The following MLLT3 variants were observed in gnomAD, a reference collection of about 807,000 sequenced individuals.
The protein encoded by MLLT3 is MLLT3 super elongation complex subunit.
MLLT3 carries 4 observed loss-of-function variants against 53.2 expected under a neutral mutation model. That is an observed-to-expected ratio of 0.08 (90% CI 0.04 to 0.17). The LOEUF (loss-of-function observed/expected upper bound fraction) is 0.17, where lower values mean the gene tolerates loss of function less well. Among genes scored for constraint, MLLT3 ranks in the 10% least tolerant of loss-of-function variants. The pLI is 1.00. For synonymous variants in MLLT3, 283 were observed against 230.6 expected, an observed-to-expected ratio of 1.23 and a Z score of -2.06; for missense variants, 569 against 684.0, an observed-to-expected ratio of 0.83 and a Z score of 1.87.
At position 20,342,448 on chromosome 9, in the gene MLLT3, A is replaced by G. The variant is rs947481803; in HGVS notation, c.*3995T>C. On this transcript the variant is annotated 3_prime_UTR_variant, in exon 11 of 11. Coordinates refer to ENST00000380338, the MANE Select transcript of MLLT3 (RefSeq NM_004529.4). ...CTGTTAATCTCAATAATACATTTTC[A>G]CTTAATTTATTTTTGCACTGCATGG... 52 of 222,400 alleles carry G rather than the reference A, an allele frequency of 2.3e-4. No homozygotes were observed. The highest frequency in any genetic ancestry group is 1.1e-3 in the African/African-American group (50 of 44,790). 13.8% of individuals were successfully genotyped at this position (222,400 alleles called of 1,614,324 possible). A position where few individuals can be genotyped will look rare whatever the true frequency, so the allele number is the denominator to read the frequency against.
intron 3 of MLLT3, among the ~76,000 whole-genome samples, chr9:20,454,014 T>C (rs1182215700): frequency 6.6e-6 from 1 of 152,204 alleles, no homozygotes; most frequent in Non-Finnish European, 1.5e-5. Flanking sequence ...CTAATCTATA[T>C]ACTAAACAGA....
At chr9:20,465,187 G>C (rs944686683) in intron 2 of MLLT3, among the ~76,000 whole-genome samples, 2 of 152,044 alleles carry the variant, frequency 1.3e-5, no homozygotes, top group Non-Finnish European at 2.9e-5. Flanking sequence ...ACACAAGGGA[G>C]GGAAATAGTG....
At chr9:20,445,123 T>C (rs1209140624) in intron 4 of MLLT3, among the ~76,000 whole-genome samples, 1 of 152,084 alleles carries the variant, frequency 6.6e-6, no homozygotes, top group African/African-American at 2.4e-5. Context: ...GGGCTAGATC[T>C]TAAATCAAAT....
At chr9:20,406,343 C>T (rs1052766087) in intron 5 of MLLT3, among the ~76,000 whole-genome samples, 5 of 152,158 alleles carry the variant, frequency 3.3e-5, no homozygotes, top group South Asian at 2.1e-4. Context: ...TAACTTTGTA[C>T]TATCTGGACC....
intron 2 of MLLT3, among the ~76,000 whole-genome samples, chr9:20,507,292 C>G (rs745488207): frequency 6.6e-6 from 1 of 152,162 alleles, no homozygotes; most frequent in Non-Finnish European, 1.5e-5. Flanking sequence ...GAGCATCTTT[C>G]GGCAATCTAC....
chr9:20,497,022 A>T (rs552751945), intron 2 of MLLT3, among the ~76,000 whole-genome samples: 2 of 152,350 alleles, frequency 1.3e-5, no homozygotes, highest in Middle Eastern at 3.4e-3. Flanking sequence ...TAAATTCCTT[A>T]TGCTAATAAC....
intron 4 of MLLT3, among the ~76,000 whole-genome samples, chr9:20,426,828 T>C (rs1170022327): frequency 6.6e-6 from 1 of 151,648 alleles, no homozygotes; most frequent in Admixed American, 6.6e-5. Flanking sequence ...GAAAGAGAAA[T>C]AGAAACATAA....
At chr9:20,559,982 T>C (rs920835142) in intron 2 of MLLT3, among the ~76,000 whole-genome samples, 1 of 152,296 alleles carries the variant, frequency 6.6e-6, no homozygotes, top group East Asian at 1.9e-4. Context: ...GTGCCACTGG[T>C]TTCTTCAGAT....
rs1466299130 is a variant in MLLT3, at chr9:20,342,358, A to T, written c.*4085T>A. The T allele has an allele frequency of 4.5e-6, 1 of 224,572 alleles. No homozygotes were observed. Among genetic ancestry groups the T allele is most frequent in the Non-Finnish European group, 8.9e-6 (1 of 112,760 alleles). 13.9% of individuals were successfully genotyped at this position (224,572 alleles called of 1,614,324 possible). ...ACACATACACAATGTATCTTTCAAC[A>T]TAACTACACATACACAGTCCATTAA... On this transcript the variant is annotated 3_prime_UTR_variant, in exon 11 of 11. Coordinates refer to ENST00000380338, the MANE Select transcript of MLLT3 (RefSeq NM_004529.4).
At chr9:20,571,459 A>G (rs1009903834) in intron 2 of MLLT3, among the ~76,000 whole-genome samples, 41 of 152,008 alleles carry the variant, frequency 2.7e-4, no homozygotes, top group Admixed American at 2.5e-3. Context: ...TTTTTACTAT[A>G]CTTTAAGTTC....
chr9:20,549,870 C>T (rs1402987880), intron 2 of MLLT3, among the ~76,000 whole-genome samples: 4 of 152,180 alleles, frequency 2.6e-5, no homozygotes, highest in African/African-American at 9.7e-5. Context: ...TTAGCACATG[C>T]GTGCAGAAAA....
At chr9:20,451,748 T>C (rs1193221706) in intron 3 of MLLT3, among the ~76,000 whole-genome samples, 2 of 152,184 alleles carry the variant, frequency 1.3e-5, no homozygotes, top group Admixed American at 1.3e-4. Context: ...AGTTACCCTC[T>C]CTCACTCTGC....
intron 2 of MLLT3, among the ~76,000 whole-genome samples, chr9:20,457,442 T>A (rs1823999290): frequency 6.6e-6 from 1 of 151,622 alleles, no homozygotes; most frequent in Admixed American, 6.6e-5. Context: ...AGAGATGGGG[T>A]TTCTCCATGT....
intron 2 of MLLT3, among the ~76,000 whole-genome samples, chr9:20,558,784 C>T (rs1451149935): frequency 6.6e-6 from 1 of 152,248 alleles, no homozygotes; most frequent in Non-Finnish European, 1.5e-5. Flanking sequence ...TTCATACTTA[C>T]TTTGCCCACT....
In MLLT3 at chr9:20,342,518, C is replaced by A. The variant is rs552501598; in HGVS notation, c.*3925G>T. On this transcript the variant is annotated 3_prime_UTR_variant, in exon 11 of 11. Transcript: ENST00000380338. ...GGATCTGTCAGCATTTCCATCATAA[C>A]TCTATTTTCAGAATACTGGAGTACA... The A allele has an allele frequency of 2.3e-5, 5 of 221,988 alleles. No homozygotes were observed. The highest frequency in any genetic ancestry group is 1.3e-4 in the East Asian group (2 of 15,158). 13.8% of individuals were successfully genotyped at this position (221,988 alleles called of 1,614,324 possible). A position where few individuals can be genotyped will look rare whatever the true frequency, so the allele number is the denominator to read the frequency against.
rs1456797221 is a variant in MLLT3, at chr9:20,601,935, C to A, written c.193+18719G>T. ...CTGAATTCCTCTGGCTCTTTGATAT[C>A]CAGCTTGTCCACCGGGCTTCAAAGC... On this transcript the variant is annotated intron_variant, in intron 2 of 10. Coordinates refer to ENST00000380338, the MANE Select transcript of MLLT3 (RefSeq NM_004529.4). Among the ~76,000 whole-genome samples the A allele has an allele frequency of 2.0e-5, 3 of 152,064 alleles. No individual in the cohort carries two copies. In the East Asian group the frequency reaches 5.8e-4, roughly 29 times the overall value.
chr9:20,518,297 G>A (rs1477724647), intron 2 of MLLT3, among the ~76,000 whole-genome samples: 1 of 152,172 alleles, frequency 6.6e-6, no homozygotes, highest in South Asian at 2.1e-4. Flanking sequence ...AGTGAGCCAA[G>A]ATCGCGCCAT....
intron 2 of MLLT3, among the ~76,000 whole-genome samples, chr9:20,590,453 C>G (rs1006853207): frequency 6.6e-6 from 1 of 152,210 alleles, no homozygotes; most frequent in African/African-American, 2.4e-5. Flanking sequence ...CCACGCTGTT[C>G]TCATGATAGT....
intron 2 of MLLT3, among the ~76,000 whole-genome samples, chr9:20,512,119 C>G (rs193114119): frequency 6.6e-6 from 1 of 152,158 alleles, no homozygotes. Flanking sequence ...CAAAAGTATT[C>G]CTTTAATAAA....
Sources: gnomAD v4.1 joint callset for allele counts (sites outside exome capture counted in the v4.1 genomes callset) on GRCh38, gnomAD v4.1.1 for gene constraint, MANE v1.5 for transcripts, NCBI Gene and HGNC (gene_info 2026-07-23, HGNC 2026-07-21) for gene names.